Variants in TRIM2 observed in about 807,000 individuals in gnomAD.
The protein encoded by TRIM2 is tripartite motif-containing protein 2.
Under a neutral mutation model 75.2 loss-of-function variants are expected in TRIM2, and 20 were observed. That is an observed-to-expected ratio of 0.27 (90% CI 0.19 to 0.39). TRIM2 has a LOEUF of 0.39. Among genes scored for constraint, TRIM2 ranks in the 10% least tolerant of loss-of-function variants. TRIM2 has a pLI of 1.00. For missense variants in TRIM2, 660 were observed against 990.8 expected, an observed-to-expected ratio of 0.67 and a Z score of 4.48; for synonymous variants, 373 against 388.3, an observed-to-expected ratio of 0.96 and a Z score of 0.46.
intron 10 of TRIM2, among the ~76,000 whole-genome samples, chr4:153,326,026 G>A (rs1317680468): frequency 6.6e-6 from 1 of 152,198 alleles, no homozygotes; most frequent in Non-Finnish European, 1.5e-5. Flanking sequence ...AAGATGATCA[G>A]AGGAGACTTC....
At chr4:153,181,676 G>A (rs1042831480) in intron 1 of TRIM2, among the ~76,000 whole-genome samples, 2 of 152,162 alleles carry the variant, frequency 1.3e-5, no homozygotes, top group South Asian at 2.1e-4. Context: ...ATGTGGCAGC[G>A]ATGAGTCCCC....
At chr4:153,221,819 GGAGGA>G (rs1740206449) in intron 1 of TRIM2, among the ~76,000 whole-genome samples, 1 of 126,118 alleles carries the variant, frequency 7.9e-6, no homozygotes, top group Non-Finnish European at 1.7e-5. Flanking sequence ...AGGGAGGGAG[GGAGGA>G]AATGAAGGAA....
chr4:153,297,187 C>G (rs573862818), intron 6 of TRIM2, among the ~76,000 whole-genome samples: 2 of 152,300 alleles, frequency 1.3e-5, no homozygotes, highest in South Asian at 2.1e-4. Context: ...CAGGCTGAAT[C>G]TTCGCAAAGA....
In TRIM2 at chr4:153,336,487, C is replaced by T; in HGVS notation, c.*1521C>T. On this transcript the variant is annotated 3_prime_UTR_variant, in exon 12 of 12. Coordinates refer to ENST00000338700, the MANE Select transcript of TRIM2 (RefSeq NM_015271.5). ...AAGAACAATTTAGTCAATCGTTCAT[C>T]TGTCATTGGTACTGTAAAATAAGCT... 1.0e-6 allele frequency: 1 copy of T among 985,784 alleles called. No homozygotes were observed. Among genetic ancestry groups the T allele is most frequent in the Non-Finnish European group, 1.2e-6 (1 of 829,906 alleles). The allele number at this position is 985,784 out of a possible 1,614,324, so 61.1% of individuals were successfully genotyped here.
chr4:153,166,514 T>TTTCC (rs538452595), intron 1 of TRIM2, among the ~76,000 whole-genome samples: 5 of 65,430 alleles, frequency 7.6e-5, no homozygotes, highest in South Asian at 6.6e-4. Context: ...CCTCTTTTCT[T>TTTCC]TTCCTTCCTT....
chr4:153,325,426 G>T (rs775468688), intron 10 of TRIM2, among the ~76,000 whole-genome samples: 1 of 152,166 alleles, frequency 6.6e-6, no homozygotes, highest in Non-Finnish European at 1.5e-5. Flanking sequence ...TGAAACTACT[G>T]TCCATGGGAA....
chr4:153,256,797 A>G (rs897618990), intron 1 of TRIM2, among the ~76,000 whole-genome samples: 1 of 152,210 alleles, frequency 6.6e-6, no homozygotes, highest in Non-Finnish European at 1.5e-5. Context: ...GAACCACAAA[A>G]AGCAAAGAAA....
chr4:153,202,686 G>A (rs1170845441), upstream of TRIM2, among the ~76,000 whole-genome samples: 107 of 138,090 alleles, frequency 7.7e-4, 1 homozygote, highest in African/African-American at 2.9e-3. Context: ...GTGACAGAGC[G>A]AGACTCTGTC....
At chr4:153,180,208 T>C (rs921820312) in intron 1 of TRIM2, among the ~76,000 whole-genome samples, 6 of 152,252 alleles carry the variant, frequency 3.9e-5, no homozygotes, top group Non-Finnish European at 7.3e-5. Context: ...CCATTAACTC[T>C]ACTCATTTTG....
At chr4:153,318,735 G>A (rs184015867) in intron 8 of TRIM2, among the ~76,000 whole-genome samples, 8 of 152,228 alleles carry the variant, frequency 5.3e-5, no homozygotes, top group South Asian at 2.1e-4. Flanking sequence ...GTTCACTTAC[G>A]GAGACAGGAG....
In TRIM2 at chr4:153,335,012, T is replaced by C. The variant is rs1473339352; in HGVS notation, c.*46T>C. On this transcript the variant is annotated 3_prime_UTR_variant, in exon 12 of 12. Coordinates refer to ENST00000338700, the MANE Select transcript of TRIM2 (RefSeq NM_015271.5). ...GCTTCCATGGTCTTGCACTATAAAC[T>C]GGAATGGATTTCTCAATGCGGGACC... 1.3e-6 allele frequency: 2 copies of C among 1,515,086 alleles called. No homozygotes were observed. Among genetic ancestry groups the C allele is most frequent in the Admixed American group, 3.9e-5 (2 of 51,370 alleles). The allele number at this position is 1,515,086 out of a possible 1,614,324, so 93.9% of individuals were successfully genotyped here.
intron 1 of TRIM2, among the ~76,000 whole-genome samples, chr4:153,159,918 G>A (rs560463489): frequency 9.2e-5 from 14 of 152,238 alleles, no homozygotes; most frequent in African/African-American, 2.6e-4. Context: ...TATCAAATAC[G>A]TAGGATCGTC....
At chr4:153,164,114 T>A (rs1730042278) in intron 1 of TRIM2, among the ~76,000 whole-genome samples, 1 of 152,184 alleles carries the variant, frequency 6.6e-6, no homozygotes, top group Non-Finnish European at 1.5e-5. Flanking sequence ...AACTTTTTAC[T>A]TATATAAACA....
Position 153,334,770 on chromosome 4 carries a change from C to A in TRIM2, c.2164-44C>A, listed in dbSNP as rs745388896. On this transcript the variant is annotated intron_variant, in intron 11 of 11. Transcript: ENST00000338700. ...TTTCTAACCCATGTTCAGCATATTA[C>A]TATAACTTCTCCTATAACATTCTGA... The A allele has an allele frequency of 7.8e-6, 12 of 1,538,802 alleles. No individual in the cohort carries two copies. The South Asian group carries it at 1.3e-4, about 17-fold the overall frequency.
chr4:153,292,134 T>C (rs1761949279), intron 3 of TRIM2, among the ~76,000 whole-genome samples: 1 of 152,216 alleles, frequency 6.6e-6, no homozygotes, highest in African/African-American at 2.4e-5. Context: ...ATGAAGACAT[T>C]ATTTGCTTTT....
intron 6 of TRIM2, among the ~76,000 whole-genome samples, chr4:153,300,999 T>C (rs568599134): frequency 1.4e-3 from 206 of 152,114 alleles, no homozygotes; most frequent in African/African-American, 4.9e-3. Context: ...GAGACTAGCC[T>C]AGCCAACATG....
intron 1 of TRIM2, among the ~76,000 whole-genome samples, chr4:153,170,791 T>C (rs536354070): frequency 4.0e-4 from 61 of 152,234 alleles, no homozygotes; most frequent in African/African-American, 1.4e-3. Context: ...CTTCACCCTG[T>C]TGAGGGCTAT....
chr4:153,315,333 G>A, intron 6 of TRIM2, 152 bp from the exon 7 acceptor site: 2 of 571,732 alleles, frequency 3.5e-6, no homozygotes, highest in Non-Finnish European at 6.1e-6. Flanking sequence ...ATATGGATTA[G>A]GTTATTGGGG....
At chr4:153,244,534 T>TTGAG (rs1748583033) in intron 1 of TRIM2, among the ~76,000 whole-genome samples, 1 of 150,904 alleles carries the variant, frequency 6.6e-6, no homozygotes, top group Non-Finnish European at 1.5e-5. Context: ...TAGCTGAGAT[T>TTGAG]ACTGGTGTGT....
Sources: allele counts gnomAD v4.1 joint callset (sites outside exome capture counted in the v4.1 genomes callset), GRCh38; gene constraint gnomAD v4.1.1; transcripts MANE v1.5; gene names NCBI Gene and HGNC (gene_info 2026-07-23, HGNC 2026-07-21).